Variants in POTEF observed in about 807,000 individuals in gnomAD.
POTEF encodes the protein ANKRD26-like family C member 1B.
POTEF carries 20 observed loss-of-function variants against 83.2 expected under a neutral mutation model. That is an observed-to-expected ratio of 0.24 (90% CI 0.17 to 0.35). The LOEUF is 0.35. Among genes scored for constraint, POTEF ranks in the 10% least tolerant of loss-of-function variants. The pLI is 1.00. For synonymous variants in POTEF, 196 were observed against 446.4 expected (o/e 0.44, Z 7.07); for missense variants, 550 against 1,203.2 (o/e 0.46, Z 8.03).
intron 2 of POTEF, among the ~76,000 whole-genome samples, chr2:130,122,073 A>G (rs1235327931): frequency 2.6e-5 from 4 of 150,960 alleles, no homozygotes; most frequent in Non-Finnish European, 5.9e-5. Flanking sequence ...TGGAATCATA[A>G]TAATATAGTT....
chr2:130,104,636 T>C (rs920478564), intron 8 of POTEF, among the ~76,000 whole-genome samples: 2 of 151,648 alleles, frequency 1.3e-5, no homozygotes, highest in Non-Finnish European at 2.9e-5. Flanking sequence ...CTGAATTTGC[T>C]GTGCTGCCTT....
chr2:130,127,197 C>T (rs1232928400), intron 2 of POTEF, among the ~76,000 whole-genome samples: 3 of 150,590 alleles, frequency 2.0e-5, no homozygotes, highest in Admixed American at 6.6e-5. Flanking sequence ...TGGTGGCAGG[C>T]GCCTGTAGTC....
intron 11 of POTEF, among the ~76,000 whole-genome samples, chr2:130,098,396 G>T (rs1306447144): frequency 6.6e-6 from 1 of 151,566 alleles, no homozygotes; most frequent in African/African-American, 2.4e-5. Context: ...CAGATTGAGG[G>T]TCCAATATTT....
chr2:130,115,634 C>T (rs1207716552), intron 3 of POTEF, among the ~76,000 whole-genome samples: 1 of 152,134 alleles, frequency 6.6e-6, no homozygotes, highest in Non-Finnish European at 1.5e-5. Flanking sequence ...GTTTCCTCAT[C>T]AATAAAATAG....
intron 7 of POTEF, among the ~76,000 whole-genome samples, chr2:130,108,293 G>C (rs529098677): frequency 6.6e-6 from 1 of 151,222 alleles, no homozygotes; most frequent in African/African-American, 2.5e-5. Context: ...CATAAATCGA[G>C]GGCACTGTGA....
intron 7 of POTEF, among the ~76,000 whole-genome samples, chr2:130,108,415 G>C (rs1684608155): frequency 6.6e-6 from 1 of 152,152 alleles, no homozygotes; most frequent in South Asian, 2.1e-4. Context: ...GCTTCTCTTA[G>C]GCTCAATGTC....
rs1251686701 is a variant in POTEF at position 130,103,149 on chromosome 2, G to C, written c.1127-969C>G. ...CAGGGTCTTGCTCTGTCACCAGGCT[G>C]GAGTGCAGTGGCGCAATCTCAGCTC... On this transcript the variant is annotated intron_variant, in intron 8 of 16. Coordinates refer to ENST00000409914, the MANE Select transcript of POTEF (RefSeq NM_001099771.2). Among the ~76,000 whole-genome samples, 4 of 141,148 alleles carry C rather than the reference G, an allele frequency of 2.8e-5. No homozygotes were observed. The East Asian group carries it at 6.1e-4, about 21-fold the overall frequency. The allele number at this position is 141,148 out of a possible 152,430, so 92.6% of individuals were successfully genotyped here.
chr2:130,108,233 T>C (rs1037786921), intron 7 of POTEF, among the ~76,000 whole-genome samples, 154 bp from the exon 8 acceptor site: 4 of 151,254 alleles, frequency 2.6e-5, no homozygotes, highest in Non-Finnish European at 4.4e-5. Flanking sequence ...TTCTACAAAC[T>C]TCTCTTTAAG....
rs1489760462 is a variant in POTEF at position 130,102,687 on chromosome 2, C to T, written c.1127-507G>A. The stretch of plus-strand genomic sequence containing the variant: ...AAGAAAACAAAATCCTTTACTGTCT[C>T]CCCTTCCCCTCAGCATTCACTCAGA... On this transcript the variant is annotated intron_variant, in intron 8 of 16. Coordinates refer to ENST00000409914, the MANE Select transcript of POTEF (RefSeq NM_001099771.2). Among the ~76,000 whole-genome samples the T allele has an allele frequency of 2.7e-5, 4 of 150,684 alleles. No homozygotes were observed. In the East Asian group the frequency reaches 7.8e-4, roughly 29 times the overall value.
At chr2:130,076,144 C>T (rs1342567368) in intron 16 of POTEF, among the ~76,000 whole-genome samples, 1 of 88,678 alleles carries the variant, frequency 1.1e-5, no homozygotes, top group Non-Finnish European at 2.4e-5. Flanking sequence ...TTATTTATAA[C>T]TGTCAAATAA....
At chr2:130,116,341 G>A (rs898102117) in intron 3 of POTEF, among the ~76,000 whole-genome samples, 1 of 150,194 alleles carries the variant, frequency 6.7e-6, no homozygotes, top group African/African-American at 2.5e-5. Flanking sequence ...GATTTGTGGA[G>A]CTTTTTTCAA....
chr2:130,112,174 T>C, intron 5 of POTEF, 73 bp from the exon 6 acceptor site: 2 of 1,270,052 alleles, frequency 1.6e-6, no homozygotes, highest in Middle Eastern at 2.8e-4. Flanking sequence ...GTGGAAACTT[T>C]ATATAAGATC....
At chr2:130,119,677 T>C (rs1177748694) in intron 3 of POTEF, among the ~76,000 whole-genome samples, 1 of 151,564 alleles carries the variant, frequency 6.6e-6, no homozygotes, top group Non-Finnish European at 1.5e-5. Context: ...TTTTCTATAA[T>C]GTATAGAACA....
chr2:130,101,404 C>A lies in POTEF; in HGVS notation c.1198-684G>T, dbSNP rs1490169615. Among the ~76,000 whole-genome samples the A allele has an allele frequency of 1.3e-5, 2 of 148,940 alleles. 1 individual carries two copies. The highest frequency in any genetic ancestry group is 5.2e-5 in the African/African-American group (2 of 38,606). ...AACAATATGTACTAATTTTCTGCAA[C>A]TGAAATAAATTAGAATGTTATTGTG... On this transcript the variant is annotated intron_variant, in intron 9 of 16. Transcript: ENST00000409914.
In POTEF at chr2:130,111,978, A is replaced by G. The variant is rs748455862; in HGVS notation, c.917+17T>C. ...GCTGTCCATCTACAACACACAGATT[A>G]AAAGAAAGAACTATACCTTCCATAT... On this transcript the variant is annotated intron_variant, in intron 6 of 16. Transcript: ENST00000409914. 1.1e-5 allele frequency: 18 copies of G among 1,577,874 alleles called. No homozygotes were observed. The highest frequency in any genetic ancestry group is 1.5e-5 in the Non-Finnish European group (18 of 1,168,986).
chr2:130,123,741 C>A (rs1218871733), intron 2 of POTEF, among the ~76,000 whole-genome samples: 1 of 149,862 alleles, frequency 6.7e-6, no homozygotes, highest in African/African-American at 2.5e-5. Context: ...GTAAAAATGT[C>A]ATTCCCTACA....
At chr2:130,128,370 A>AC (rs1194285854) in intron 1 of POTEF, among the ~76,000 whole-genome samples, 2 of 151,868 alleles carry the variant, frequency 1.3e-5, no homozygotes, top group African/African-American at 4.8e-5. Flanking sequence ...GAGAAGAGTC[A>AC]CCCGAAGGAG....
intron 15 of POTEF, among the ~76,000 whole-genome samples, chr2:130,079,558 A>G (rs1573591614): frequency 1.2e-5 from 1 of 85,106 alleles, no homozygotes; most frequent in Admixed American, 1.5e-4. Flanking sequence ...AGATATCTAC[A>G]TAAAATAAAA....
chr2:130,103,510 T>C (rs1436778864), intron 8 of POTEF, among the ~76,000 whole-genome samples: 2 of 134,104 alleles, frequency 1.5e-5, no homozygotes, highest in Admixed American at 8.2e-5. Flanking sequence ...ACTTCACTGA[T>C]TTTTCTACTG....
Sources: allele counts gnomAD v4.1 joint callset (sites outside exome capture counted in the v4.1 genomes callset), GRCh38; gene constraint gnomAD v4.1.1; transcripts MANE v1.5; gene names NCBI Gene and HGNC (gene_info 2026-07-23, HGNC 2026-07-21).